The following SBNO2 variants were observed in gnomAD, a reference collection of about 807,000 sequenced individuals.
SBNO2 encodes protein strawberry notch homolog 2.
In SBNO2, 89 loss-of-function variants were observed where a neutral mutation model predicts 146.3. The ratio of observed to expected loss-of-function variants is 0.61; its 90% CI spans 0.51 to 0.73. The LOEUF (loss-of-function observed/expected upper bound fraction) is 0.73. Ranked by LOEUF, SBNO2 falls within the 30% of genes least tolerant of loss-of-function variation. SBNO2 has a pLI of 0.00. For missense variants in SBNO2, 2,092 were observed against 2,003.7 expected, an observed-to-expected ratio of 1.04 and a Z score of -0.84; for synonymous variants, 1,147 against 892.6, an observed-to-expected ratio of 1.29 and a Z score of -5.08.
intron 4 of SBNO2, among the ~76,000 whole-genome samples, chr19:1,133,382 G>A (rs576241358): frequency 6.6e-6 from 1 of 152,150 alleles, no homozygotes; most frequent in Non-Finnish European, 1.5e-5. Context: ...TTCTGGGCTT[G>A]TAAGACTCCC....
chr19:1,110,993 T>A lies in SBNO2; in HGVS notation c.2884+26A>T. The A allele has an allele frequency of 1.9e-6, 3 of 1,604,192 alleles. No individual in the cohort carries two copies. Among genetic ancestry groups the A allele is most frequent in the Middle Eastern group, 1.7e-4 (1 of 6,046 alleles). On this transcript the variant is annotated intron_variant, in intron 25 of 31. Transcript: ENST00000361757. The surrounding 1 kb of genome is among the most constrained non-coding windows in gnomAD (Gnocchi z 4.9). ...GCATGAGATGAGAGACAGGAGCGCC[T>A]CTGGGCCTGGGTGTGGGGCACTCAC...
At position 1,127,787 on chromosome 19, in the gene SBNO2, G is replaced by T. The variant is rs373034298; in HGVS notation, c.280-22C>A. ...AGTCCTGGAAGACAAGGCCAGGCCC[G>T]GTGAGGGTGGTACGGGAGACACCAA... is the stretch of plus-strand genomic sequence containing the variant. On this transcript the variant is annotated intron_variant, in intron 4 of 31. Transcript: ENST00000361757. The T allele has an allele frequency of 1.2e-5, 20 of 1,609,864 alleles. No individual in the cohort carries two copies. In the East Asian group the frequency reaches 4.0e-4, roughly 32 times the overall value.
chr19:1,142,106 A>G (rs1160846393), intron 4 of SBNO2, among the ~76,000 whole-genome samples: 31 of 3,470 alleles, frequency 8.9e-3, no homozygotes, highest in African/African-American at 0.017. Flanking sequence ...TCACTCAGTG[A>G]CCTCCCTCAT....
At chr19:1,121,839 C>T (rs539368897) in intron 11 of SBNO2, among the ~76,000 whole-genome samples, 3 of 152,326 alleles carry the variant, frequency 2.0e-5, no homozygotes, top group East Asian at 3.9e-4. Flanking sequence ...AGCCGGAGCC[C>T]TGTGGTGAAT....
rs1326396226 is a variant in SBNO2, at chr19:1,144,757, C to G, written c.279+2552G>C. 4.9e-5 allele frequency among the ~76,000 whole-genome samples: 7 copies of G among 143,390 alleles called. No homozygotes were observed. Among genetic ancestry groups the G allele is most frequent in the African/African-American group, 1.8e-4 (7 of 37,972 alleles). 94.1% of individuals were successfully genotyped at this position (143,390 alleles called of 152,430 possible). ...ACAAAGAGACAGGTGGAGAGGGAGACAGAGAGACAGAGGCAGAGACAAAGA... is the reference window on the plus strand; with the variant it reads ...ACAAAGAGACAGGTGGAGAGGGAGAGAGAGAGACAGAGGCAGAGACAAAGA... On this transcript the variant is annotated intron_variant, in intron 4 of 31. Transcript: ENST00000361757. The surrounding 1 kb of genome is among the most constrained non-coding windows in gnomAD (Gnocchi z 4.1).
intron 2 of SBNO2, among the ~76,000 whole-genome samples, chr19:1,152,033 C>T (rs1283140660): frequency 6.6e-6 from 1 of 151,822 alleles, no homozygotes; most frequent in East Asian, 2.0e-4. Context: ...CGAACTCAGT[C>T]GACCCTGCCC....
chr19:1,160,074 G>A (rs936158071), intron 1 of SBNO2, among the ~76,000 whole-genome samples: 4 of 152,128 alleles, frequency 2.6e-5, no homozygotes, highest in Non-Finnish European at 4.4e-5. Flanking sequence ...CCTCTCACAC[G>A]TTCCACCCCA....
At chr19:1,115,595 T>C (rs546008848) in intron 17 of SBNO2, 1 of 234,988 alleles carries the variant, frequency 4.3e-6, no homozygotes, top group Admixed American at 5.3e-5. Flanking sequence ...CTGGCCAGTA[T>C]GGTGGACACG....
intron 1 of SBNO2, among the ~76,000 whole-genome samples, chr19:1,166,684 A>G (rs939675693): frequency 6.6e-6 from 1 of 152,124 alleles, no homozygotes; most frequent in Non-Finnish European, 1.5e-5. Context: ...ACCTTTTAAC[A>G]TGCTGAGCTT....
Position 1,127,664 on chromosome 19 carries a change from G to A in SBNO2, c.381C>T (p.Asp127=). 3.1e-6 allele frequency: 5 copies of A among 1,613,578 alleles called. No homozygotes were observed. Among genetic ancestry groups the A allele is most frequent in the South Asian group, 1.1e-5 (1 of 91,084 alleles). The change falls in exon 5 of 32, where the codon GAC becomes GAT. Residue 127 remains aspartate (D), a synonymous_variant. Transcript: ENST00000361757. The part of the protein sequence containing the change: ...IVDTPDFLPA[D]SLNQVSTIWD... ...AGATGGTGGACACCTGGTTGAGGCT[G>A]TCAGCCGGCAGGAAGTCGGGCGTGT...
Position 1,122,486 on chromosome 19 carries a change from C to T in SBNO2, c.987G>A (p.Ala329=), listed in dbSNP as rs369756119. ...CCCCTACCTTGCTGAGCGCGTGCAC[C>T]GCGATGCCCGTGGCTTCGATGTCCC... The part of the protein sequence containing the change: ...DLRDIEATGI[A]VHALSKIKYG... The change falls in exon 10 of 32, where the codon GCG becomes GCA. Residue 329 remains alanine, a synonymous_variant. Coordinates refer to ENST00000361757, the MANE Select transcript of SBNO2 (RefSeq NM_014963.3). 268 of 1,573,362 alleles carry T rather than the reference C, an allele frequency of 1.7e-4. No homozygotes were observed. The highest frequency in any genetic ancestry group is 2.2e-4 in the Non-Finnish European group (259 of 1,161,654).
Position 1,109,895 on chromosome 19 carries a change from G to A in SBNO2, c.3029-118C>T. 1 of 737,608 alleles carries A rather than the reference G, an allele frequency of 1.4e-6. No individual in the cohort carries two copies. Among genetic ancestry groups the A allele is most frequent in the Non-Finnish European group, 2.2e-6 (1 of 455,626 alleles). 45.7% of individuals were successfully genotyped at this position (737,608 alleles called of 1,614,324 possible). On this transcript the variant is annotated intron_variant, in intron 26 of 31. Coordinates refer to ENST00000361757, the MANE Select transcript of SBNO2 (RefSeq NM_014963.3). The surrounding 1 kb of genome is among the most constrained non-coding windows in gnomAD (Gnocchi z 4.2). ...CGACCCCCCGAGAGCACAGGAGAGGGTGTCCTGGATCCTGGCCTGACCTGG... is the reference window on the plus strand; with the variant it reads ...CGACCCCCCGAGAGCACAGGAGAGGATGTCCTGGATCCTGGCCTGACCTGG...
Position 1,119,022 on chromosome 19 carries a change from C to T in SBNO2, c.1516G>A (p.Ala506Thr), listed in dbSNP as rs1385373724. ...APAFECVYNR[A>T]ALLWAEALNV... The stretch of plus-strand genomic sequence containing the variant: ...GTGCGCAGGCTCACCAGCAGGGCCG[C>T]GCGGTTGTAGACGCACTCGAAGGCT... The change falls in exon 14 of 32, where the codon GCG becomes ACG. Residue 506 changes from alanine to threonine, a missense_variant. Physicochemically the swap from Ala to Thr is moderately conservative, Grantham distance 58 (BLOSUM62 0). Transcript: ENST00000361757. 3.1e-6 allele frequency: 5 copies of T among 1,596,438 alleles called. No individual in the cohort carries two copies. The highest frequency in any genetic ancestry group is 1.3e-5 in the African/African-American group (1 of 74,816).
intron 2 of SBNO2, among the ~76,000 whole-genome samples, chr19:1,152,526 G>A (rs926971200): frequency 6.6e-5 from 10 of 152,080 alleles, no homozygotes; most frequent in African/African-American, 1.2e-4. Context: ...ACCGACGGCC[G>A]GTACTCGAGC....
rs531365238 is a variant in SBNO2 at position 1,153,254 on chromosome 19, T to C, written c.93+930A>G. On this transcript the variant is annotated intron_variant, in intron 2 of 31. Coordinates refer to ENST00000361757, the MANE Select transcript of SBNO2 (RefSeq NM_014963.3). ...AATTTAAAAATTTTTTTTTTTCTTTTTGAGCCACAGTTTCGCTCTGTCACC... is the reference window on the plus strand; with the variant it reads ...AATTTAAAAATTTTTTTTTTTCTTTCTGAGCCACAGTTTCGCTCTGTCACC... Among the ~76,000 whole-genome samples, 9 of 152,046 alleles carry C rather than the reference T, an allele frequency of 5.9e-5. No individual in the cohort carries two copies. The South Asian group carries it at 1.9e-3, about 32-fold the overall frequency.
intron 24 of SBNO2, 113 bp from the exon 25 acceptor site, chr19:1,111,206 A>C: frequency 2.4e-6 from 3 of 1,230,978 alleles, no homozygotes; most frequent in Non-Finnish European, 3.3e-6. Flanking sequence ...GAGCAGCTGC[A>C]GCCTAGGGCC....
intron 12 of SBNO2, 133 bp from the exon 13 acceptor site, chr19:1,119,754 G>C (rs1177209047): frequency 7.2e-6 from 7 of 973,130 alleles, no homozygotes; most frequent in Non-Finnish European, 7.8e-6. Flanking sequence ...GAGCCAGCGT[G>C]GCCTTGGGAC....
At chr19:1,146,049 G>A (rs571222502) in intron 4 of SBNO2, among the ~76,000 whole-genome samples, 2 of 152,154 alleles carry the variant, frequency 1.3e-5, no homozygotes, top group South Asian at 4.1e-4. Flanking sequence ...AGGAGAAACT[G>A]ACCTGTGGCC....
At chr19:1,132,411 G>A in intron 4 of SBNO2, 1 of 580,476 alleles carries the variant, frequency 1.7e-6, no homozygotes, top group Non-Finnish European at 2.2e-6. Flanking sequence ...TCCCACAGGC[G>A]CTGTCAACAC....
Sources: allele counts gnomAD v4.1 joint callset (sites outside exome capture counted in the v4.1 genomes callset), GRCh38; gene constraint gnomAD v4.1.1; non-coding constraint Gnocchi (gnomAD v3.1); transcripts MANE v1.5; gene names NCBI Gene and HGNC (gene_info 2026-07-23, HGNC 2026-07-21).